Variants in SLC35F1 observed in about 807,000 individuals in gnomAD.
The protein encoded by SLC35F1 is chromosome 6 open reading frame 169.
A neutral mutation model predicts 48.7 loss-of-function variants in SLC35F1; 14 were observed. That is an observed-to-expected ratio of 0.29 (90% CI 0.19 to 0.45). The LOEUF (loss-of-function observed/expected upper bound fraction) is 0.45. SLC35F1 is among the 20% of genes least tolerant of loss of function. SLC35F1 has a pLI of 1.00. For synonymous variants in SLC35F1, 190 were observed against 202.2 expected, an observed-to-expected ratio of 0.94 and a Z score of 0.51; for missense variants, 404 against 500.0, an observed-to-expected ratio of 0.81 and a Z score of 1.83.
chr6:118,242,214 C>T (rs1468132934), intron 3 of SLC35F1, among the ~76,000 whole-genome samples: 1 of 152,208 alleles, frequency 6.6e-6, no homozygotes, highest in African/African-American at 2.4e-5. Context: ...TATTGGTTCT[C>T]CATCCTCACC....
intron 3 of SLC35F1, among the ~76,000 whole-genome samples, chr6:118,266,492 C>G (rs895160006): frequency 1.3e-5 from 2 of 152,088 alleles, no homozygotes; most frequent in African/African-American, 2.4e-5. Context: ...TTACTGGTAG[C>G]AGGAAGACAG....
intron 1 of SLC35F1, among the ~76,000 whole-genome samples, chr6:118,117,343 C>A (rs536910905): frequency 1.4e-4 from 21 of 152,256 alleles, no homozygotes; most frequent in African/African-American, 2.6e-4. Flanking sequence ...TCTCCAATGA[C>A]AATGTGCTTA....
intron 4 of SLC35F1, among the ~76,000 whole-genome samples, chr6:118,273,890 T>C (rs1486722903): frequency 6.6e-6 from 1 of 152,204 alleles, no homozygotes; most frequent in African/African-American, 2.4e-5. Context: ...TCTTCCCCTC[T>C]ATCTCCAATC....
At chr6:117,973,106 TC>T (rs1265633966) in intron 1 of SLC35F1, among the ~76,000 whole-genome samples, 1 of 152,186 alleles carries the variant, frequency 6.6e-6, no homozygotes, top group Non-Finnish European at 1.5e-5. Flanking sequence ...AAGTCCAAGA[TC>T]AAGGTGTCAG....
Position 118,297,743 on chromosome 6 carries a change from T to C in SLC35F1, c.1002+12405T>C, listed in dbSNP as rs1252158955. Among the ~76,000 whole-genome samples the C allele has an allele frequency of 2.2e-5, 3 of 138,654 alleles. 1 individual carries two copies. The highest frequency in any genetic ancestry group is 4.6e-5 in the Non-Finnish European group (3 of 65,426). 91.0% of individuals were successfully genotyped at this position (138,654 alleles called of 152,430 possible). A position where few individuals can be genotyped will look rare whatever the true frequency, so the allele number is the denominator to read the frequency against. On this transcript the variant is annotated intron_variant, in intron 7 of 7. Coordinates refer to ENST00000360388, the MANE Select transcript of SLC35F1 (RefSeq NM_001029858.4). ...TATTATATATATAAGTTCTGAGAAA[T>C]ATATATATATAATATATATATAATA...
intron 1 of SLC35F1, among the ~76,000 whole-genome samples, chr6:117,911,400 C>CCCT (rs1242857572): frequency 8.5e-6 from 1 of 117,276 alleles, no homozygotes. Flanking sequence ...CCCCTCCCCT[C>CCCT]CCCTCCCTCC....
chr6:118,068,194 C>T (rs1426535879), intron 1 of SLC35F1, among the ~76,000 whole-genome samples: 2 of 152,164 alleles, frequency 1.3e-5, no homozygotes, highest in South Asian at 2.1e-4. Flanking sequence ...ATCTTCCCCA[C>T]TCAGTCCCCA....
intron 2 of SLC35F1, among the ~76,000 whole-genome samples, chr6:118,170,633 G>A (rs930667432): frequency 6.6e-6 from 1 of 151,958 alleles, no homozygotes; most frequent in African/African-American, 2.4e-5. Flanking sequence ...TACAGACAGG[G>A]TTTCACCATG....
chr6:118,305,979 T>G (rs1582780665), intron 7 of SLC35F1, among the ~76,000 whole-genome samples: 2 of 152,204 alleles, frequency 1.3e-5, no homozygotes, highest in South Asian at 4.1e-4. Context: ...TAGTTTCTAT[T>G]GACTTTTATC....
At chr6:118,093,752 A>G (rs1323130881) in intron 1 of SLC35F1, among the ~76,000 whole-genome samples, 3 of 152,232 alleles carry the variant, frequency 2.0e-5, no homozygotes, top group East Asian at 1.9e-4. Flanking sequence ...TGAAATAGAC[A>G]TAAGAGAAGT....
chr6:118,058,415 C>T (rs1387845074), intron 1 of SLC35F1, among the ~76,000 whole-genome samples: 1 of 152,106 alleles, frequency 6.6e-6, no homozygotes, highest in Non-Finnish European at 1.5e-5. Context: ...TATTTCCAGA[C>T]ATTTGTTTCT....
At chr6:117,921,887 A>G (rs1350656263) in intron 1 of SLC35F1, among the ~76,000 whole-genome samples, 2 of 152,214 alleles carry the variant, frequency 1.3e-5, no homozygotes, top group African/African-American at 2.4e-5. Flanking sequence ...GAAAAAATGT[A>G]AATGGGAATG....
intron 2 of SLC35F1, among the ~76,000 whole-genome samples, chr6:118,164,079 T>C (rs1435782144): frequency 9.9e-5 from 15 of 152,238 alleles, no homozygotes. Flanking sequence ...TTCATTGGTT[T>C]CCCTTTCTAA....
intron 2 of SLC35F1, among the ~76,000 whole-genome samples, chr6:118,207,882 A>G (rs1774955638): frequency 6.6e-6 from 1 of 152,224 alleles, no homozygotes; most frequent in Non-Finnish European, 1.5e-5. Context: ...GGAATTAGCT[A>G]CCTGGTATGA....
chr6:118,037,360 G>T (rs895193255), intron 1 of SLC35F1, among the ~76,000 whole-genome samples: 15 of 151,916 alleles, frequency 9.9e-5, no homozygotes, highest in African/African-American at 3.4e-4. Flanking sequence ...TTGGATATGG[G>T]TTTACATTTT....
chr6:118,121,665 G>A (rs1378252660), intron 1 of SLC35F1, among the ~76,000 whole-genome samples: 1 of 151,986 alleles, frequency 6.6e-6, no homozygotes, highest in Non-Finnish European at 1.5e-5. Flanking sequence ...AATGCATTCT[G>A]GTGCTTAACA....
intron 1 of SLC35F1, among the ~76,000 whole-genome samples, chr6:118,016,711 G>A (rs1777327274): frequency 6.6e-6 from 1 of 152,150 alleles, no homozygotes. Context: ...TATTTGCTTA[G>A]CGCTTGAATT....
intron 1 of SLC35F1, among the ~76,000 whole-genome samples, chr6:118,075,345 CTA>C (rs1772803172): frequency 6.6e-6 from 1 of 152,196 alleles, no homozygotes; most frequent in Non-Finnish European, 1.5e-5. Flanking sequence ...TAAATGGAAA[CTA>C]GTGTTATTTC....
At chr6:118,051,426 T>A (rs1772389621) in intron 1 of SLC35F1, among the ~76,000 whole-genome samples, 1 of 152,182 alleles carries the variant, frequency 6.6e-6, no homozygotes, top group Non-Finnish European at 1.5e-5. Flanking sequence ...CATGTTGCAA[T>A]GAGTGTGATT....
Sources: gnomAD v4.1 joint callset for allele counts (sites outside exome capture counted in the v4.1 genomes callset) on GRCh38, gnomAD v4.1.1 for gene constraint, MANE v1.5 for transcripts, NCBI Gene and HGNC (gene_info 2026-07-23, HGNC 2026-07-21) for gene names.